The following RBFOX1 variants were observed in gnomAD, a reference collection of about 807,000 sequenced individuals.
RBFOX1 encodes the protein RNA binding protein fox-1 homolog 1.
RBFOX1 carries 8 observed loss-of-function variants against 57.7 expected under a neutral mutation model. The observed-to-expected ratio is 0.14, with a 90% CI of 0.08 to 0.25. RBFOX1 has a LOEUF of 0.25. Ranked by LOEUF, RBFOX1 falls within the 10% of genes least tolerant of loss-of-function variation. The pLI, the probability that RBFOX1 is intolerant of heterozygous loss-of-function variation, is 1.00. For synonymous variants in RBFOX1, 326 were observed against 222.4 expected, an observed-to-expected ratio of 1.47 and a Z score of -4.15; for missense variants, 611 against 548.5, an observed-to-expected ratio of 1.11 and a Z score of -1.14.
chr16:5,585,672 C>T (rs1379804913), intron 2 of RBFOX1, among the ~76,000 whole-genome samples: 1 of 152,214 alleles, frequency 6.6e-6, no homozygotes, highest in Non-Finnish European at 1.5e-5. Context: ...TGGGGTGACC[C>T]TGACTTCCCC....
intron 3 of RBFOX1, among the ~76,000 whole-genome samples, chr16:6,721,060 G>A (rs969202489): frequency 6.6e-6 from 1 of 152,164 alleles, no homozygotes; most frequent in Non-Finnish European, 1.5e-5. Flanking sequence ...ACAATAAACA[G>A]TAGAATATTG....
chr16:5,573,571 T>A (rs2046355511), intron 2 of RBFOX1, among the ~76,000 whole-genome samples: 1 of 152,152 alleles, frequency 6.6e-6, no homozygotes, highest in Non-Finnish European at 1.5e-5. Flanking sequence ...TGAGCTTCCT[T>A]TAAAGGAGGC....
intron 2 of RBFOX1, among the ~76,000 whole-genome samples, chr16:5,498,075 G>A (rs145855887): frequency 0.021 from 3,155 of 152,256 alleles, 58 homozygotes; most frequent in Non-Finnish European, 0.028. Context: ...TTGAGGGAGA[G>A]GGGGCAGAGG....
At chr16:7,296,799 T>A (rs555854008) in intron 4 of RBFOX1, among the ~76,000 whole-genome samples, 1 of 152,148 alleles carries the variant, frequency 6.6e-6, no homozygotes, top group African/African-American at 2.4e-5. Context: ...ACATTCATGG[T>A]GTTTCCTAGG....
intron 4 of RBFOX1, among the ~76,000 whole-genome samples, chr16:7,151,915 G>C (rs527587359): frequency 2.0e-5 from 3 of 152,284 alleles, no homozygotes; most frequent in Admixed American, 2.0e-4. Context: ...GGTAATGTGA[G>C]CTATGGGGAA....
rs117066120 is a variant in RBFOX1, at chr16:7,389,205, A to G, written c.28-128942A>G. On this transcript the variant is annotated intron_variant, in intron 4 of 15. Coordinates refer to ENST00000550418, the MANE Select transcript of RBFOX1 (RefSeq NM_018723.4). ...CAGTGGTGTGATCACAGCTCATGGC[A>G]GCTTTGATCTCTCCAGGCTTAGATG... Among the ~76,000 whole-genome samples the G allele has an allele frequency of 0.013, 2,016 of 152,190 alleles. 129 individuals carry two copies. The East Asian group carries it at 0.18, about 14-fold the overall frequency.
rs137937054 is a variant in RBFOX1, at chr16:6,507,042, C to T, written c.-63-147561C>T. Among the ~76,000 whole-genome samples the T allele has an allele frequency of 6.0e-3, 917 of 152,182 alleles. 8 individuals are homozygous for T. Among genetic ancestry groups the T allele is most frequent in the Middle Eastern group, 0.024 (7 of 294 alleles). On this transcript the variant is annotated intron_variant, in intron 2 of 15. Transcript: ENST00000550418. ...CATGACTGCTTCCTTTTCAACCCTA[C>T]GCTGTCCATCTGTGAACATTTCCTT...
chr16:5,920,289 C>T (rs1471603772), intron 4 of RBFOX1, among the ~76,000 whole-genome samples: 1 of 152,138 alleles, frequency 6.6e-6, no homozygotes, highest in African/African-American at 2.4e-5. Flanking sequence ...AGTCTTATTC[C>T]TTTTTATTGT....
intron 4 of RBFOX1, among the ~76,000 whole-genome samples, chr16:7,229,852 GAGGAAGGGAGAGAGAGGA>G (rs2093388000): frequency 6.1e-4 from 3 of 4,880 alleles, no homozygotes; most frequent in African/African-American, 1.3e-3. Flanking sequence ...GAGAGAGAGG[GAGGAAGGGAGAGAGAGGA>G]AGGAAGGGAG....
chr16:6,284,897 T>C (rs2076744838), intron 1 of RBFOX1, among the ~76,000 whole-genome samples: 1 of 152,116 alleles, frequency 6.6e-6, no homozygotes, highest in African/African-American at 2.4e-5. Flanking sequence ...GTTTGTGAAA[T>C]GGAGTGAAAA....
chr16:6,800,922 T>C, intron 3 of RBFOX1, among the ~76,000 whole-genome samples: 1 of 152,170 alleles, frequency 6.6e-6, no homozygotes, highest in East Asian at 1.9e-4. Flanking sequence ...ACTAGTTTGC[T>C]ATCCGTCTTG....
At chr16:5,375,232 CAT>C (rs773640937) in intron 1 of RBFOX1, among the ~76,000 whole-genome samples, 66 of 151,994 alleles carry the variant, frequency 4.3e-4, no homozygotes, top group Non-Finnish European at 8.1e-4. Flanking sequence ...GGGAAGATGA[CAT>C]GTGATAATTT....
chr16:5,673,811 T>A (rs183713311), intron 3 of RBFOX1, among the ~76,000 whole-genome samples: 1 of 152,380 alleles, frequency 6.6e-6, no homozygotes, highest in African/African-American at 2.4e-5. Context: ...GTAGGCCTTG[T>A]GGCTCTTTCC....
At chr16:6,511,025 G>A (rs2096245686) in intron 2 of RBFOX1, among the ~76,000 whole-genome samples, 1 of 152,158 alleles carries the variant, frequency 6.6e-6, no homozygotes, top group Non-Finnish European at 1.5e-5. Context: ...GAGTTCTGAG[G>A]GGTGTATGTT....
chr16:6,742,758 G>A (rs1304543110), intron 3 of RBFOX1, among the ~76,000 whole-genome samples: 2 of 152,108 alleles, frequency 1.3e-5, no homozygotes, highest in Admixed American at 6.6e-5. Context: ...ACTATACAAT[G>A]TCATTTATAT....
At chr16:7,317,690 G>C (rs924127051) in intron 4 of RBFOX1, among the ~76,000 whole-genome samples, 1 of 152,170 alleles carries the variant, frequency 6.6e-6, no homozygotes, top group African/African-American at 2.4e-5. Flanking sequence ...AGGAGTACAG[G>C]AGTGAAGTGC....
Position 6,577,996 on chromosome 16 carries a change from T to A in RBFOX1, c.-63-76607T>A, listed in dbSNP as rs574048508. Among the ~76,000 whole-genome samples the A allele has an allele frequency of 2.6e-5, 4 of 152,378 alleles. No individual in the cohort carries two copies. The East Asian group carries it at 7.7e-4, about 29-fold the overall frequency. On this transcript the variant is annotated intron_variant, in intron 2 of 15. Transcript: ENST00000550418. Reference sequence around the variant, plus strand: ...AGTTAGGAAAGCACAGGTTTTGTGATGAAGGGTGTCACCCAACAGTGCTTA... The same window carrying A: ...AGTTAGGAAAGCACAGGTTTTGTGAAGAAGGGTGTCACCCAACAGTGCTTA...
chr16:6,497,160 T>A (rs1400475962), intron 2 of RBFOX1, among the ~76,000 whole-genome samples: 3 of 152,156 alleles, frequency 2.0e-5, no homozygotes, highest in African/African-American at 7.2e-5. Flanking sequence ...TGGAGTGGAC[T>A]GGGAACTTGG....
intron 10 of RBFOX1, 58 bp from the exon 11 acceptor site, chr16:7,630,545 T>A: frequency 6.2e-7 from 1 of 1,607,854 alleles, no homozygotes; most frequent in Non-Finnish European, 8.5e-7. Flanking sequence ...TGCCGTGATC[T>A]CTCAGGTGTA....
Sources: allele counts gnomAD v4.1 joint callset (sites outside exome capture counted in the v4.1 genomes callset), GRCh38; gene constraint gnomAD v4.1.1; transcripts MANE v1.5; gene names NCBI Gene and HGNC (gene_info 2026-07-23, HGNC 2026-07-21).